Variants in CNTD1 observed in about 807,000 individuals in gnomAD.
The protein encoded by CNTD1 is cyclin N-terminal domain-containing protein 1.
CNTD1 carries 17 observed loss-of-function variants against 36.3 expected under a neutral mutation model. The observed-to-expected ratio is 0.47, with a 90% confidence interval of 0.32 to 0.70. The LOEUF (loss-of-function observed/expected upper bound fraction) is 0.70. Among genes scored for constraint, CNTD1 ranks in the 30% least tolerant of loss-of-function variants. CNTD1 has a pLI of 0.03. For missense variants in CNTD1, 338 were observed against 386.1 expected (o/e 0.88, Z 1.04); for synonymous variants, 128 against 153.3 (o/e 0.83, Z 1.22).
chr17:42,804,462 G>A, intron 3 of CNTD1, 66 bp downstream of exon 3: 2 of 1,348,230 alleles, frequency 1.5e-6, no homozygotes, highest in South Asian at 1.3e-5. Flanking sequence ...ATACAAAGGG[G>A]GGCTGTGATG....
intron 3 of CNTD1, 28 bp downstream of exon 3, chr17:42,804,424 C>A: frequency 6.2e-7 from 1 of 1,603,806 alleles, no homozygotes; most frequent in Non-Finnish European, 8.5e-7. Context: ...CTCATGGGCA[C>A]CTGAGTGTTA....
intron 3 of CNTD1, among the ~76,000 whole-genome samples, chr17:42,805,046 T>C (rs1431044966): frequency 6.6e-6 from 1 of 151,632 alleles, no homozygotes; most frequent in African/African-American, 2.4e-5. Flanking sequence ...TGGTCACCTT[T>C]CCTCCCCCCT....
intron 6 of CNTD1, among the ~76,000 whole-genome samples, chr17:42,808,755 A>C (rs1051084206): frequency 6.6e-6 from 1 of 151,458 alleles, no homozygotes; most frequent in Non-Finnish European, 1.5e-5. Flanking sequence ...CAAAACAACA[A>C]CAACAACAAA....
chr17:42,803,999 C>T (rs539448847), intron 2 of CNTD1, among the ~76,000 whole-genome samples: 6 of 151,556 alleles, frequency 4.0e-5, no homozygotes, highest in Non-Finnish European at 8.8e-5. Flanking sequence ...CCACACTTCG[C>T]ACTTGGCTAT....
Position 42,804,385 on chromosome 17 carries a change from T to G in CNTD1, c.406T>G (p.Phe136Val), listed in dbSNP as rs2054843268. 1 of 1,613,902 alleles carries G rather than the reference T, an allele frequency of 6.2e-7. No individual in the cohort carries two copies. The highest frequency in any genetic ancestry group is 8.5e-7 in the Non-Finnish European group (1 of 1,179,884). The change falls in exon 3 of 7, where the codon TTC becomes GTC. Residue 136 changes from phenylalanine to valine, a missense_variant. By Grantham distance (50) the Phe-to-Val change is conservative. Coordinates refer to ENST00000588408, the MANE Select transcript of CNTD1 (RefSeq NM_173478.3). ...SCVQLASKLS[F>V]RNKIISNITV... Reference sequence around the variant, plus strand: ...TGTTCAGCTGGCCAGCAAACTTTCCTTCCGAAACAAAGTAAGGAGCTGGGG... The same window carrying G: ...TGTTCAGCTGGCCAGCAAACTTTCCGTCCGAAACAAAGTAAGGAGCTGGGG...
chr17:42,810,965 G>T lies in CNTD1; in HGVS notation c.*1430G>T, dbSNP rs368837170. ...CAGAGCAAAACTCATTAGTAACTGA[G>T]ATCTGAGTTAAGTAAGTTCGGGGCA... On this transcript the variant is annotated 3_prime_UTR_variant, in exon 7 of 7. Transcript: ENST00000588408. The T allele has an allele frequency of 7.2e-6, 11 of 1,527,810 alleles. No homozygotes were observed. The highest frequency in any genetic ancestry group is 9.7e-6 in the Non-Finnish European group (11 of 1,136,576). The allele number at this position is 1,527,810 out of a possible 1,614,324, so 94.6% of individuals were successfully genotyped here.
At chr17:42,802,908 A>G (rs1385368638) in intron 1 of CNTD1, among the ~76,000 whole-genome samples, 1 of 152,140 alleles carries the variant, frequency 6.6e-6, no homozygotes, top group African/African-American at 2.4e-5. Context: ...GGCAGGCTAA[A>G]ATCTTGCCAA....
intron 3 of CNTD1, among the ~76,000 whole-genome samples, chr17:42,804,795 G>A (rs2054851654): frequency 1.3e-5 from 2 of 152,002 alleles, no homozygotes; most frequent in East Asian, 1.9e-4. Flanking sequence ...GCGACAGAGC[G>A]ACTCTGTCTC....
rs140330492 is a variant in CNTD1, at chr17:42,810,427, T to G, written c.*892T>G. ...GTTAAGTGCAGGAAGTTGAGAGAGA[T>G]AAAAATCCAGTGAAAACACATCAAT... On this transcript the variant is annotated 3_prime_UTR_variant, in exon 7 of 7. Transcript: ENST00000588408. 25 of 169,698 alleles carry G rather than the reference T, an allele frequency of 1.5e-4. No individual in the cohort carries two copies. Among genetic ancestry groups the G allele is most frequent in the East Asian group, 3.2e-4 (2 of 6,202 alleles). The allele number at this position is 169,698 out of a possible 1,614,324, so 10.5% of individuals were successfully genotyped here. A position where few individuals can be genotyped will look rare whatever the true frequency, so the allele number is the denominator to read the frequency against.
intron 4 of CNTD1, 103 bp from the exon 5 acceptor site, chr17:42,806,571 C>A (rs1227124724): frequency 2.1e-5 from 25 of 1,196,916 alleles, no homozygotes; most frequent in Non-Finnish European, 3.0e-5. Context: ...ACATAGCAAC[C>A]AGGAAGCACA....
At position 42,811,015 on chromosome 17, in the gene CNTD1, C is replaced by T. The variant is rs555658924; in HGVS notation, c.*1480C>T. The T allele has an allele frequency of 2.5e-5, 33 of 1,324,506 alleles. No individual in the cohort carries two copies. In the African/African-American group the frequency reaches 3.2e-4, roughly 13 times the overall value. 82.0% of individuals were successfully genotyped at this position (1,324,506 alleles called of 1,614,324 possible). On this transcript the variant is annotated 3_prime_UTR_variant, in exon 7 of 7. Coordinates refer to ENST00000588408, the MANE Select transcript of CNTD1 (RefSeq NM_173478.3). ...AGGGACTTGATCATGGGACCATTCA[C>T]GTCATTTTATCTATTAAAGAACACT...
Position 42,809,843 on chromosome 17 carries a change from AT to A in CNTD1, c.*310del. ...AGGAACATCAGGCATTGCAATCAGT[AT>A]TAATCAGGGGCTCAAATACAGACTA... On this transcript the variant is annotated 3_prime_UTR_variant, in exon 7 of 7. Transcript: ENST00000588408. 4.3e-6 allele frequency: 1 copy of A among 232,166 alleles called. No individual in the cohort carries two copies. The highest frequency in any genetic ancestry group is 8.5e-6 in the Non-Finnish European group (1 of 117,246). The allele number at this position is 232,166 out of a possible 1,614,324, so 14.4% of individuals were successfully genotyped here.
rs867158792 is a variant in CNTD1, at chr17:42,801,588, T to C, written c.170-2032T>C. 8.2e-4 allele frequency among the ~76,000 whole-genome samples: 115 copies of C among 140,564 alleles called. No individual in the cohort carries two copies. In the Middle Eastern group the frequency reaches 0.022, roughly 27 times the overall value. 92.2% of individuals were successfully genotyped at this position (140,564 alleles called of 152,430 possible). A position where few individuals can be genotyped will look rare whatever the true frequency, so the allele number is the denominator to read the frequency against. ...TGTGTGTGTGTGTGTGTGTGTATAATAGCTTTAGTTTTGGATCTGCTGAGT... is the reference window on the plus strand; with the variant it reads ...TGTGTGTGTGTGTGTGTGTGTATAACAGCTTTAGTTTTGGATCTGCTGAGT... On this transcript the variant is annotated intron_variant, in intron 1 of 6. Transcript: ENST00000588408.
At position 42,799,150 on chromosome 17, in the gene CNTD1, C is replaced by T; in HGVS notation, c.83C>T (p.Ala28Val). Residue 28 changes from alanine (A) to valine (V), a missense_variant, in exon 1 of 7, where the codon GCC becomes GTC. Coordinates refer to ENST00000588408, the MANE Select transcript of CNTD1 (RefSeq NM_173478.3). ...GVVATETIED[A>V]LLHLAQQNEQ... Reference sequence around the variant, plus strand: ...GTCGCCACAGAGACGATTGAAGACGCCCTGCTTCACTTGGCCCAGCAGAAT... The same window carrying T: ...GTCGCCACAGAGACGATTGAAGACGTCCTGCTTCACTTGGCCCAGCAGAAT... 1 of 1,614,048 alleles carries T rather than the reference C, an allele frequency of 6.2e-7. No homozygotes were observed. The highest frequency in any genetic ancestry group is 8.5e-7 in the Non-Finnish European group (1 of 1,180,006).
At chr17:42,803,309 G>A (rs2054824800) in intron 1 of CNTD1, among the ~76,000 whole-genome samples, 1 of 152,116 alleles carries the variant, frequency 6.6e-6, no homozygotes, top group Non-Finnish European at 1.5e-5. Context: ...AGGTCACATA[G>A]ACCAGCTGGT....
rs552234639 is a variant in CNTD1, at chr17:42,799,797, G to A, written c.169+561G>A. On this transcript the variant is annotated intron_variant, in intron 1 of 6. Coordinates refer to ENST00000588408, the MANE Select transcript of CNTD1 (RefSeq NM_173478.3). The stretch of plus-strand genomic sequence containing the variant: ...AAAAAAAAAAAAGGCTGGGCGCGGT[G>A]GCTCACGCCTGTAATCCCAGCATTT... Among the ~76,000 whole-genome samples the A allele has an allele frequency of 5.4e-5, 8 of 147,940 alleles. No individual in the cohort carries two copies. In the South Asian group the frequency reaches 8.5e-4, roughly 16 times the overall value.
At chr17:42,807,984 G>T in intron 6 of CNTD1, 120 bp downstream of exon 6, 1 of 685,376 alleles carries the variant, frequency 1.5e-6, no homozygotes, top group South Asian at 1.9e-5. Context: ...GGATTAGGAT[G>T]GGTGTGCAAG....
intron 3 of CNTD1, chr17:42,805,479 G>C (rs1181355141): frequency 9.4e-6 from 3 of 318,126 alleles, no homozygotes; most frequent in Non-Finnish European, 1.8e-5. Context: ...AGAGGAATTA[G>C]GGAGGAAAGG....
In CNTD1 at chr17:42,804,098, CA is replaced by C. The variant is rs370491750; in HGVS notation, c.246-124del. ...AAGTCATCTGCCTGCCTTGGCCTCCCAAAGTGCTGGGATTACAGGTGTGAGC... is the reference window on the plus strand; with the variant it reads ...AAGTCATCTGCCTGCCTTGGCCTCCCAAGTGCTGGGATTACAGGTGTGAGC... On this transcript the variant is annotated intron_variant, in intron 2 of 6. Coordinates refer to ENST00000588408, the MANE Select transcript of CNTD1 (RefSeq NM_173478.3). The C allele has an allele frequency of 6.4e-4, 539 of 837,448 alleles. 2 individuals carry two copies. In the East Asian group the frequency reaches 0.011, roughly 17 times the overall value. The allele number at this position is 837,448 out of a possible 1,614,324, so 51.9% of individuals were successfully genotyped here.
Sources: allele counts gnomAD v4.1 joint callset (sites outside exome capture counted in the v4.1 genomes callset), GRCh38; gene constraint gnomAD v4.1.1; transcripts MANE v1.5; gene names NCBI Gene and HGNC (gene_info 2026-07-23, HGNC 2026-07-21).